Variants in ABCB1 observed in about 807,000 individuals in gnomAD.
ABCB1 encodes the protein ATP-dependent translocase ABCB1.
In ABCB1, 69 loss-of-function variants were observed where a neutral mutation model predicts 142.0. That is an observed-to-expected ratio of 0.49 (90% confidence interval 0.40 to 0.59). The LOEUF is 0.59. Ranked by LOEUF, ABCB1 falls within the 20% of genes least tolerant of loss-of-function variation. The pLI is 0.00. For missense variants in ABCB1, 1,326 were observed against 1,554.7 expected, an observed-to-expected ratio of 0.85 and a Z score of 2.47; for synonymous variants, 532 against 539.2, an observed-to-expected ratio of 0.99 and a Z score of 0.18.
chr7:87,572,166 G>C (rs10260862), intron 4 of ABCB1, among the ~76,000 whole-genome samples: 34,091 of 150,958 alleles, frequency 0.23, 4,346 homozygotes, highest in African/African-American at 0.35. Context: ...CTTACATTAT[G>C]TATCTTCTGT....
intron 1 of ABCB1, among the ~76,000 whole-genome samples, chr7:87,619,764 G>GAATA (rs1820160347): frequency 6.8e-6 from 1 of 147,250 alleles, no homozygotes; most frequent in Non-Finnish European, 1.5e-5. Context: ...GTGTGTGTGT[G>GAATA]TATATATATA....
At chr7:87,698,988 A>G (rs374219912) in intron 1 of ABCB1, among the ~76,000 whole-genome samples, 5 of 152,280 alleles carry the variant, frequency 3.3e-5, no homozygotes, top group African/African-American at 9.6e-5. Context: ...TAAAAATTCA[A>G]ATGCTTACAT....
At chr7:87,528,658 A>G (rs1815902185) in intron 21 of ABCB1, among the ~76,000 whole-genome samples, 1 of 152,234 alleles carries the variant, frequency 6.6e-6, no homozygotes, top group Non-Finnish European at 1.5e-5. Flanking sequence ...GCAGGTTTTG[A>G]CATCATGCAG....
rs750826229 is a variant in ABCB1, at chr7:87,541,357, CT to C, written c.2318del (p.Gln773ArgfsTer29). 6.6e-7 allele frequency: 1 copy of C among 1,522,038 alleles called. No homozygotes were observed. The allele number at this position is 1,522,038 out of a possible 1,614,324, so 94.3% of individuals were successfully genotyped here. A position where few individuals can be genotyped will look rare whatever the true frequency, so the allele number is the denominator to read the frequency against. On this transcript the variant is annotated frameshift_variant and splice_region_variant, in exon 18 of 28. Transcript: ENST00000622132. LOFTEE classifies it high-confidence loss of function. Reference sequence around the variant, plus strand: ...ATATAGTGAAAATGGAAACATTTACCTGAAGGAAAAATGTAATAAAAGAAAT... The same window carrying C: ...ATATAGTGAAAATGGAAACATTTACCGAAGGAAAAATGTAATAAAAGAAAT... ...GIISFITFFL[Q>X]GFTFGKAGEI...
At position 87,626,510 on chromosome 7, in the gene ABCB1, A is replaced by T. The variant is rs1369787038; in HGVS notation, c.-330-25432T>A. 7.5e-4 allele frequency among the ~76,000 whole-genome samples: 4 copies of T among 5,322 alleles called. 2 individuals are homozygous for T. Among genetic ancestry groups the T allele is most frequent in the Admixed American group, 5.3e-3 (2 of 376 alleles). The allele number at this position is 5,322 out of a possible 152,430, so 3.5% of individuals were successfully genotyped here. A position where few individuals can be genotyped will look rare whatever the true frequency, so the allele number is the denominator to read the frequency against. The stretch of plus-strand genomic sequence containing the variant: ...CATATATATGTGTCATATATGTGTC[A>T]TATATATGTGTCATATATATGTGTC... On this transcript the variant is annotated intron_variant, in intron 1 of 28. Coordinates refer to the ABCB1 transcript ENST00000265724.
intron 2 of ABCB1, among the ~76,000 whole-genome samples, chr7:87,599,855 A>G (rs747445732): frequency 6.6e-6 from 1 of 152,192 alleles, no homozygotes; most frequent in Non-Finnish European, 1.5e-5. Flanking sequence ...AAACGCTTCC[A>G]TGTACCCCAT....
At chr7:87,611,826 T>G (rs1035350562) in intron 1 of ABCB1, among the ~76,000 whole-genome samples, 2 of 152,174 alleles carry the variant, frequency 1.3e-5, no homozygotes, top group African/African-American at 2.4e-5. Flanking sequence ...TTATTTTAGA[T>G]TTTCATAGCA....
chr7:87,585,036 A>G (rs1818677411), intron 4 of ABCB1, among the ~76,000 whole-genome samples: 1 of 151,938 alleles, frequency 6.6e-6, no homozygotes, highest in Non-Finnish European at 1.5e-5. Context: ...AACAATGTCC[A>G]AAACTAAATT....
chr7:87,675,653 C>CAAAAAAAAA (rs200136132), intron 1 of ABCB1, among the ~76,000 whole-genome samples: 1 of 65,846 alleles, frequency 1.5e-5, no homozygotes, highest in African/African-American at 5.8e-5. Flanking sequence ...TATTCACATG[C>CAAAAAAAAA]AAAAAAAAAA....
In ABCB1 at chr7:87,588,833, A is replaced by G. The variant is rs910162836; in HGVS notation, c.118-3153T>C. On this transcript the variant is annotated intron_variant, in intron 3 of 27. Coordinates refer to ENST00000622132, the MANE Select transcript of ABCB1 (RefSeq NM_001348946.2). ...GCATCTGTTATTTTTTTACTTTGTA[A>G]TAATAGCCATTCTGACTGGTGTTAA... 1.4e-4 allele frequency among the ~76,000 whole-genome samples: 22 copies of G among 152,284 alleles called. No individual in the cohort carries two copies. In the South Asian group the frequency reaches 4.3e-3, roughly 30 times the overall value.
At chr7:87,640,584 T>G (rs1822341371) in intron 1 of ABCB1, among the ~76,000 whole-genome samples, 1 of 152,138 alleles carries the variant, frequency 6.6e-6, no homozygotes, top group Non-Finnish European at 1.5e-5. Flanking sequence ...GCCTCAGGCA[T>G]TCCTCCTGCC....
intron 1 of ABCB1, among the ~76,000 whole-genome samples, chr7:87,653,727 T>A (rs2130393588): frequency 6.6e-6 from 1 of 152,172 alleles, no homozygotes; most frequent in Non-Finnish European, 1.5e-5. Flanking sequence ...TTTTCCCAAG[T>A]TCCCTCTTTT....
chr7:87,544,751 G>A (rs778658210), intron 16 of ABCB1, 72 bp downstream of exon 16: 5 of 1,503,292 alleles, frequency 3.3e-6, no homozygotes, highest in African/African-American at 1.4e-5. Flanking sequence ...CACTCCTACT[G>A]TAGCCCTAGC....
At chr7:87,689,328 C>G (rs987116218) in intron 1 of ABCB1, among the ~76,000 whole-genome samples, 4 of 151,948 alleles carry the variant, frequency 2.6e-5, no homozygotes, top group African/African-American at 9.7e-5. Context: ...GAGTTTCTGT[C>G]AGAAAATTAA....
intron 1 of ABCB1, among the ~76,000 whole-genome samples, chr7:87,632,908 A>G (rs1821371177): frequency 6.6e-6 from 1 of 152,196 alleles, no homozygotes; most frequent in Non-Finnish European, 1.5e-5. Context: ...GAAACTTCCC[A>G]TGCAAAGTCA....
chr7:87,536,385 G>T lies in ABCB1; in HGVS notation c.2481+73C>A, dbSNP rs2235042. The T allele has an allele frequency of 5.9e-3, 7,873 of 1,345,066 alleles. 346 individuals are homozygous for T. In the African/African-American group the frequency reaches 0.096, roughly 16 times the overall value. 83.3% of individuals were successfully genotyped at this position (1,345,066 alleles called of 1,614,324 possible). A position where few individuals can be genotyped will look rare whatever the true frequency, so the allele number is the denominator to read the frequency against. On this transcript the variant is annotated intron_variant, in intron 20 of 27. Coordinates refer to ENST00000622132, the MANE Select transcript of ABCB1 (RefSeq NM_001348946.2). ...TAATGATGATAACTAACACCCGTAA[G>T]GAGAAAATTAGTTTCATGCTGGGGT...
intron 1 of ABCB1, among the ~76,000 whole-genome samples, chr7:87,710,262 ATC>A (rs1285902850): frequency 6.6e-6 from 1 of 152,174 alleles, no homozygotes; most frequent in Non-Finnish European, 1.5e-5. Flanking sequence ...AGAGAGTTAT[ATC>A]TTATATAATT....
At chr7:87,703,943 G>T (rs1585150577) in intron 1 of ABCB1, among the ~76,000 whole-genome samples, 1 of 19,210 alleles carries the variant, frequency 5.2e-5, no homozygotes, top group Non-Finnish European at 9.9e-5. Context: ...TTTTTTTTGA[G>T]ACAGTCTAGT....
At chr7:87,534,676 G>C (rs1816201822) in intron 20 of ABCB1, among the ~76,000 whole-genome samples, 1 of 152,008 alleles carries the variant, frequency 6.6e-6, no homozygotes, top group Admixed American at 6.6e-5. Context: ...CACTTTGGGA[G>C]GCTGAGGCAG....
Sources: allele counts gnomAD v4.1 joint callset (sites outside exome capture counted in the v4.1 genomes callset), GRCh38; gene constraint gnomAD v4.1.1; transcripts MANE v1.5; gene names NCBI Gene and HGNC (gene_info 2026-07-23, HGNC 2026-07-21).